The following SMOC1 variants were observed in gnomAD, a reference collection of about 807,000 sequenced individuals.
The protein encoded by SMOC1 is SPARC-related modular calcium-binding protein 1.
Under a neutral mutation model 56.3 loss-of-function variants are expected in SMOC1, and 22 were observed. The ratio of observed to expected loss-of-function variants is 0.39; its 90% confidence interval spans 0.28 to 0.56. The LOEUF (loss-of-function observed/expected upper bound fraction) is 0.56. SMOC1 is among the 20% of genes least tolerant of loss of function. The pLI is 0.61. For missense variants in SMOC1, 509 were observed against 565.4 expected, an observed-to-expected ratio of 0.90 and a Z score of 1.01; for synonymous variants, 193 against 215.0, an observed-to-expected ratio of 0.90 and a Z score of 0.89.
At chr14:69,913,316 A>G (rs1324521464) in intron 1 of SMOC1, among the ~76,000 whole-genome samples, 1 of 152,200 alleles carries the variant, frequency 6.6e-6, no homozygotes, top group East Asian at 1.9e-4. Context: ...CATGTGAATT[A>G]TGTACTCCTT....
At chr14:69,886,914 G>C (rs1343284476) in intron 1 of SMOC1, among the ~76,000 whole-genome samples, 1 of 152,214 alleles carries the variant, frequency 6.6e-6, no homozygotes, top group Non-Finnish European at 1.5e-5. Flanking sequence ...TCTAGGAAAT[G>C]CAATCAAAAT....
At chr14:69,903,799 A>G (rs536335778) in intron 1 of SMOC1, among the ~76,000 whole-genome samples, 1 of 152,146 alleles carries the variant, frequency 6.6e-6, no homozygotes, top group East Asian at 1.9e-4. Context: ...TAGGAAAACC[A>G]GAGACCTTTG....
chr14:69,937,471 G>A (rs186634664), intron 1 of SMOC1, among the ~76,000 whole-genome samples: 6 of 152,232 alleles, frequency 3.9e-5, no homozygotes, highest in East Asian at 1.9e-4. Context: ...CTGATCTCCC[G>A]TTCCTGCCTG....
intron 10 of SMOC1, among the ~76,000 whole-genome samples, chr14:70,018,547 C>G (rs117744089): frequency 1.3e-5 from 2 of 152,186 alleles, no homozygotes; most frequent in African/African-American, 2.4e-5. Flanking sequence ...ATCCCTTTGG[C>G]CCCTCTGGCC....
chr14:69,891,866 A>G (rs1180108374), intron 1 of SMOC1, among the ~76,000 whole-genome samples: 1 of 152,256 alleles, frequency 6.6e-6, no homozygotes, highest in East Asian at 1.9e-4. Context: ...TGACCCGCAT[A>G]AAAATTATTC....
intron 3 of SMOC1, among the ~76,000 whole-genome samples, chr14:69,963,633 A>G (rs1216296226): frequency 6.6e-6 from 1 of 151,228 alleles, no homozygotes; most frequent in African/African-American, 2.4e-5. Context: ...GATCTGGGAG[A>G]GGTAGAAGCT....
rs755269411 is a variant in SMOC1 at position 69,879,786 on chromosome 14, G to T, written c.99+9G>T. On this transcript the variant is annotated intron_variant, in intron 1 of 11. Transcript: ENST00000361956. ...GCACCACAGGCCCCAGGGTAAGTGC[G>T]CCCCCAGCTTTGCGCCCACCTGCGG... is the stretch of plus-strand genomic sequence containing the variant. 15 of 1,580,586 alleles carry T rather than the reference G, an allele frequency of 9.5e-6. No homozygotes were observed. The highest frequency in any genetic ancestry group is 1.3e-5 in the Non-Finnish European group (15 of 1,170,482).
In SMOC1 at chr14:70,030,372, GC is replaced by G; in HGVS notation, c.*117del. 1.5e-6 allele frequency: 2 copies of G among 1,359,868 alleles called. No homozygotes were observed. The highest frequency in any genetic ancestry group is 1.3e-5 in the South Asian group (1 of 79,228). The allele number at this position is 1,359,868 out of a possible 1,614,324, so 84.2% of individuals were successfully genotyped here. A position where few individuals can be genotyped will look rare whatever the true frequency, so the allele number is the denominator to read the frequency against. ...CCACATCCCGTGTAACATAAGTGGT[GC>G]CCACCATGTTTGCACTTTTAATAAC... On this transcript the variant is annotated 3_prime_UTR_variant, in exon 12 of 12. Transcript: ENST00000361956.
At chr14:69,962,027 T>C (rs901822074) in intron 3 of SMOC1, among the ~76,000 whole-genome samples, 2 of 152,250 alleles carry the variant, frequency 1.3e-5, no homozygotes, top group African/African-American at 2.4e-5. Context: ...CATCTTTTCA[T>C]GTGCTTTTTG....
intron 7 of SMOC1, among the ~76,000 whole-genome samples, chr14:69,999,577 A>G (rs1210746173): frequency 6.6e-6 from 1 of 152,204 alleles, no homozygotes; most frequent in Non-Finnish European, 1.5e-5. Context: ...CTGGATATTT[A>G]TTTCCATAAC....
At chr14:70,020,073 T>C (rs143066572) in intron 10 of SMOC1, among the ~76,000 whole-genome samples, 1 of 152,268 alleles carries the variant, frequency 6.6e-6, no homozygotes, top group African/African-American at 2.4e-5. Flanking sequence ...TTAAGCATCA[T>C]GCTTAAATAT....
rs184896545 is a variant in SMOC1, at chr14:70,000,455, T to G, written c.664+5975T>G. Among the ~76,000 whole-genome samples the G allele has an allele frequency of 6.6e-5, 10 of 152,362 alleles. No individual in the cohort carries two copies. The East Asian group carries it at 1.9e-3, about 29-fold the overall frequency. On this transcript the variant is annotated intron_variant, in intron 7 of 11. Coordinates refer to ENST00000361956, the MANE Select transcript of SMOC1 (RefSeq NM_001034852.3). Reference sequence around the variant, plus strand: ...AAGGCAGCTTGCTATTTCTCAGTACTTGTCATTGCAAAGATACTGTGAAGT... The same window carrying G: ...AAGGCAGCTTGCTATTTCTCAGTACGTGTCATTGCAAAGATACTGTGAAGT...
At position 70,026,390 on chromosome 14, in the gene SMOC1, C is replaced by G. The variant is rs73290784; in HGVS notation, c.1291+2943C>G. The stretch of plus-strand genomic sequence containing the variant: ...CTGAGTGTGGTGAGCTCAGATCCAC[C>G]GAGCTCAGGGACTCCTCCTAGCCTT... On this transcript the variant is annotated intron_variant, in intron 11 of 11. Coordinates refer to ENST00000361956, the MANE Select transcript of SMOC1 (RefSeq NM_001034852.3). Among the ~76,000 whole-genome samples, 1,168 of 152,300 alleles carry G rather than the reference C, an allele frequency of 7.7e-3. 18 individuals are homozygous for G. The highest frequency in any genetic ancestry group is 0.026 in the African/African-American group (1,099 of 41,564).
In SMOC1 at chr14:69,975,707, C is replaced by G. The variant is rs1383890975; in HGVS notation, c.379-8C>G. 1 of 1,608,428 alleles carries G rather than the reference C, an allele frequency of 6.2e-7. No individual in the cohort carries two copies. Among genetic ancestry groups the G allele is most frequent in the East Asian group, 2.2e-5 (1 of 44,848 alleles). The stretch of plus-strand genomic sequence containing the variant: ...ATGGTTTTCTTCCCTTTTCACTTCC[C>G]TGAACAGGTGCAGTGCCATACTTAC... On this transcript the variant is annotated splice_region_variant and splice_polypyrimidine_tract_variant and intron_variant, in intron 3 of 11. Transcript: ENST00000361956.
chr14:70,017,994 G>A (rs1885578565), intron 10 of SMOC1, among the ~76,000 whole-genome samples: 1 of 152,144 alleles, frequency 6.6e-6, no homozygotes, highest in African/African-American at 2.4e-5. Flanking sequence ...GTGTGAACAG[G>A]GTAGGAAGTG....
rs369092685 is a variant in SMOC1 at position 69,954,369 on chromosome 14, A to G, written c.378+837A>G. 9.2e-5 allele frequency among the ~76,000 whole-genome samples: 14 copies of G among 152,262 alleles called. No individual in the cohort carries two copies. In the East Asian group the frequency reaches 1.4e-3, roughly 15 times the overall value. ...TATTTTTTAGAGACAGGATCTTGCTATGTTGCCCAGACTGGTCTCAAAGTC... is the reference window on the plus strand; with the variant it reads ...TATTTTTTAGAGACAGGATCTTGCTGTGTTGCCCAGACTGGTCTCAAAGTC... On this transcript the variant is annotated intron_variant, in intron 3 of 11. Coordinates refer to ENST00000361956, the MANE Select transcript of SMOC1 (RefSeq NM_001034852.3).
intron 5 of SMOC1, among the ~76,000 whole-genome samples, chr14:69,989,166 G>T (rs1275599213): frequency 2.0e-5 from 3 of 152,130 alleles, no homozygotes; most frequent in Admixed American, 6.6e-5. Flanking sequence ...AATGAACAAG[G>T]GTTCCATTTC....
intron 3 of SMOC1, among the ~76,000 whole-genome samples, chr14:69,956,025 A>C (rs540309598): frequency 1.5e-3 from 224 of 152,312 alleles, no homozygotes; most frequent in Non-Finnish European, 2.8e-3. Context: ...CTACCTCGTG[A>C]CAGACAGCCC....
At chr14:69,886,015 T>C (rs1594785835) in intron 1 of SMOC1, 1 of 1,584,820 alleles carries the variant, frequency 6.3e-7, no homozygotes. Flanking sequence ...GGATGTCCTG[T>C]CCAATGCCAA....
Sources: gnomAD v4.1 joint callset for allele counts (sites outside exome capture counted in the v4.1 genomes callset) on GRCh38, gnomAD v4.1.1 for gene constraint, MANE v1.5 for transcripts, NCBI Gene and HGNC (gene_info 2026-07-23, HGNC 2026-07-21) for gene names.